SAMSN1: variants seen among roughly 807,000 people sequenced by gnomAD.
SAMSN1 encodes SAM domain-containing protein SAMSN-1.
SAMSN1 carries 31 observed loss-of-function variants against 42.0 expected under a neutral mutation model. That is an observed-to-expected ratio of 0.74 (90% CI 0.55 to 1.00). SAMSN1 has a LOEUF of 1.00. Among genes scored for constraint, SAMSN1 ranks in the 50% least tolerant of loss-of-function variants. The probability of loss-of-function intolerance (pLI) is 0.00; values close to 1 mark genes in which losing one functional copy is unlikely to be tolerated. For missense variants in SAMSN1, 464 were observed against 439.4 expected (o/e 1.06, Z -0.50); for synonymous variants, 178 against 151.9 (o/e 1.17, Z -1.26).
At chr21:14,624,619 A>G (rs1983111613) in intron 2 of SAMSN1, among the ~76,000 whole-genome samples, 1 of 152,216 alleles carries the variant, frequency 6.6e-6, no homozygotes, top group African/African-American at 2.4e-5. Flanking sequence ...AGGCTCTGAA[A>G]TTGAGGCCAT....
rs1389093059 is a variant in SAMSN1, at chr21:14,486,074, C to A, written c.960G>T (p.Leu320Phe). Residue 320 changes from leucine (L) to phenylalanine (F), a missense_variant, in exon 8 of 8, where the codon TTG (leucine) becomes TTT (phenylalanine). Transcript: ENST00000400566. ...EQENEPEPLSLSSDISLNKSQ... is the reference protein window; with the variant it reads ...EQENEPEPLSFSSDISLNKSQ... ...ACTTATTTAAGGAGATGTCTGAGCT[C>A]AAGGATAGGGGCTCAGGTTCATTTT... 14 of 1,613,522 alleles carry A rather than the reference C, an allele frequency of 8.7e-6. No homozygotes were observed. The South Asian group carries it at 1.4e-4, about 16-fold the overall frequency.
At position 14,514,420 on chromosome 21, in the gene SAMSN1, C is replaced by T. The variant is rs976129227; in HGVS notation, c.280-1847G>A. Among the ~76,000 whole-genome samples the T allele has an allele frequency of 2.6e-5, 4 of 152,142 alleles. No homozygotes were observed. In the South Asian group the frequency reaches 8.3e-4, roughly 32 times the overall value. On this transcript the variant is annotated intron_variant, in intron 3 of 7. Transcript: ENST00000400566. ...TGATTTCCACTTGTCAGAGATATTT[C>T]TGGCTTTCATATGGAGAATAAATTT...
chr21:14,605,473 C>G (rs922128463), intron 5 of SAMSN1, among the ~76,000 whole-genome samples: 3 of 152,124 alleles, frequency 2.0e-5, no homozygotes, highest in African/African-American at 4.8e-5. Context: ...ACAAGTTTTT[C>G]TAAAATTAAA....
chr21:14,596,436 CAA>C (rs1982264666), intron 6 of SAMSN1, among the ~76,000 whole-genome samples: 1 of 152,136 alleles, frequency 6.6e-6, no homozygotes, highest in African/African-American at 2.4e-5. Flanking sequence ...AATACACTCA[CAA>C]ATTCTTTTAC....
chr21:14,541,647 G>A (rs747395960), intron 1 of SAMSN1, among the ~76,000 whole-genome samples: 1 of 152,176 alleles, frequency 6.6e-6, no homozygotes, highest in African/African-American at 2.4e-5. Flanking sequence ...CACCCCTAGA[G>A]TAGACTGAAG....
chr21:14,532,808 A>T (rs973468358), intron 1 of SAMSN1, among the ~76,000 whole-genome samples: 5 of 152,146 alleles, frequency 3.3e-5, no homozygotes, highest in Admixed American at 3.3e-4. Context: ...CAAACAAAAG[A>T]TAAAAGATGA....
chr21:14,488,326 T>C (rs1986530988), intron 7 of SAMSN1, among the ~76,000 whole-genome samples: 1 of 152,174 alleles, frequency 6.6e-6, no homozygotes, highest in Non-Finnish European at 1.5e-5. Context: ...TTCACATTGA[T>C]ATCCTAAACA....
intron 2 of SAMSN1, among the ~76,000 whole-genome samples, chr21:14,579,182 A>C (rs1981615155): frequency 6.6e-6 from 1 of 152,170 alleles, no homozygotes. Context: ...CATTAAGTTT[A>C]CCAAACCAAT....
intron 5 of SAMSN1, among the ~76,000 whole-genome samples, chr21:14,507,673 G>T (rs1049107797): frequency 6.6e-6 from 1 of 151,952 alleles, no homozygotes; most frequent in Non-Finnish European, 1.5e-5. Flanking sequence ...TACCACCATC[G>T]TTCTTCACAG....
At chr21:14,582,148 G>A (rs1306907930) in exon 2 of SAMSN1, 2 of 1,545,932 alleles carry the variant, frequency 1.3e-6, no homozygotes, top group East Asian at 2.4e-5. Flanking sequence ...ATGAATGTAG[G>A]AGATCCATAT....
intron 2 of SAMSN1, among the ~76,000 whole-genome samples, chr21:14,552,179 T>A (rs1423751596): frequency 6.6e-6 from 1 of 152,104 alleles, no homozygotes; most frequent in Non-Finnish European, 1.5e-5. Flanking sequence ...CCAAGCTACC[T>A]TGTTGAGACA....
At chr21:14,506,436 A>C (rs954461124) in intron 5 of SAMSN1, among the ~76,000 whole-genome samples, 11 of 152,158 alleles carry the variant, frequency 7.2e-5, no homozygotes, top group African/African-American at 2.4e-4. Flanking sequence ...ATAAACTAGA[A>C]AACCTAGAAG....
intron 1 of SAMSN1, among the ~76,000 whole-genome samples, chr21:14,645,977 A>AC (rs1408233216): frequency 7.9e-5 from 12 of 152,198 alleles, no homozygotes; most frequent in Admixed American, 4.6e-4. Flanking sequence ...GAGACAAAAG[A>AC]AAAAAGAACA....
At chr21:14,568,403 T>C (rs1293683000) in intron 2 of SAMSN1, among the ~76,000 whole-genome samples, 1 of 152,164 alleles carries the variant, frequency 6.6e-6, no homozygotes, top group Non-Finnish European at 1.5e-5. Context: ...ACACCACATA[T>C]TATTTCTTGC....
chr21:14,638,276 T>C (rs898899495), intron 2 of SAMSN1, among the ~76,000 whole-genome samples: 3 of 151,998 alleles, frequency 2.0e-5, no homozygotes, highest in Non-Finnish European at 4.4e-5. Flanking sequence ...TATCACTTCA[T>C]CAAATCATCA....
chr21:14,525,875 C>T (rs1978816559), intron 1 of SAMSN1, among the ~76,000 whole-genome samples: 1 of 151,992 alleles, frequency 6.6e-6, no homozygotes, highest in South Asian at 2.1e-4. Flanking sequence ...TATTTATTTA[C>T]TTATTTTGAG....
chr21:14,651,641 C>T (rs1483153144), intron 1 of SAMSN1, among the ~76,000 whole-genome samples: 1 of 151,854 alleles, frequency 6.6e-6, no homozygotes, highest in Non-Finnish European at 1.5e-5. Context: ...CCTGGCTCAC[C>T]AGTGTTATTC....
chr21:14,494,331 C>T (rs1459141963), intron 7 of SAMSN1, among the ~76,000 whole-genome samples: 1 of 152,108 alleles, frequency 6.6e-6, no homozygotes, highest in Non-Finnish European at 1.5e-5. Flanking sequence ...CAATGACAGA[C>T]TGGATAAAGA....
chr21:14,527,696 A>C (rs1260820046), intron 1 of SAMSN1, among the ~76,000 whole-genome samples: 3 of 151,706 alleles, frequency 2.0e-5, no homozygotes, highest in Non-Finnish European at 4.4e-5. Flanking sequence ...TTGCTGTGAC[A>C]CTAGAAATGC....
Sources: allele counts gnomAD v4.1 joint callset (sites outside exome capture counted in the v4.1 genomes callset), GRCh38; gene constraint gnomAD v4.1.1; transcripts MANE v1.5; gene names NCBI Gene and HGNC (gene_info 2026-07-23, HGNC 2026-07-21).